The following ZRANB2 variants were observed in gnomAD, a reference collection of about 807,000 sequenced individuals.
The protein encoded by ZRANB2 is zinc finger RANBP2-type containing 2, also known as zinc finger Ran-binding domain-containing protein 2.
A neutral mutation model predicts 53.4 loss-of-function variants in ZRANB2; 19 were observed. The ratio of observed to expected loss-of-function variants is 0.36; its 90% CI spans 0.25 to 0.52. The LOEUF is 0.52. Ranked by LOEUF, ZRANB2 falls within the 20% of genes least tolerant of loss-of-function variation. The pLI, the probability that ZRANB2 is intolerant of heterozygous loss-of-function variation, is 0.93. For synonymous variants in ZRANB2, 145 were observed against 134.8 expected (o/e 1.08, Z -0.52); for missense variants, 309 against 401.1 (o/e 0.77, Z 1.96).
intron 9 of ZRANB2, 42 bp from the exon 10 acceptor site, chr1:71,065,179 G>C (rs1347690780): frequency 6.8e-6 from 10 of 1,471,710 alleles, no homozygotes; most frequent in Non-Finnish European, 8.5e-6. Flanking sequence ...TAGTAAGCTA[G>C]AGCTAAATCT....
At chr1:71,074,544 T>C (rs1661665467) in intron 4 of ZRANB2, among the ~76,000 whole-genome samples, 1 of 152,086 alleles carries the variant, frequency 6.6e-6, no homozygotes, top group Non-Finnish European at 1.5e-5. Context: ...ACTCTGTGAT[T>C]CTACACCCTG....
At chr1:71,070,172 G>A (rs963674944) in intron 7 of ZRANB2, among the ~76,000 whole-genome samples, 5 of 151,980 alleles carry the variant, frequency 3.3e-5, no homozygotes, top group Non-Finnish European at 7.4e-5. Flanking sequence ...TGTGATTAAG[G>A]TTTTTCAAGA....
At position 71,081,004 on chromosome 1, in the gene ZRANB2, C is replaced by T; in HGVS notation, c.-9G>A. On this transcript the variant is annotated 5_prime_UTR_variant, in exon 1 of 10. Transcript: ENST00000370920. ...AAATTCTTGGTCGACATCTTGAACG[C>T]CACCAGCACAGCCACCCGCAGCTAT... The T allele has an allele frequency of 6.2e-7, 1 of 1,614,154 alleles. No individual in the cohort carries two copies. Among genetic ancestry groups the T allele is most frequent in the Non-Finnish European group, 8.5e-7 (1 of 1,180,032 alleles).
chr1:71,071,090 C>T (rs1470490399), intron 6 of ZRANB2, 94 bp from the exon 7 acceptor site: 25 of 1,014,030 alleles, frequency 2.5e-5, no homozygotes, highest in Admixed American at 3.4e-5. Context: ...CCTCCATATG[C>T]ATATATCACA....
intron 8 of ZRANB2, chr1:71,067,525 T>C (rs1250304824): frequency 3.0e-6 from 1 of 329,794 alleles, no homozygotes; most frequent in Non-Finnish European, 6.1e-6. Context: ...CCACTACTTA[T>C]GAAATATGAA....
rs1661767523 is a variant in ZRANB2, at chr1:71,078,768, C to T, written c.57-60G>A. The T allele has an allele frequency of 3.0e-6, 4 of 1,351,584 alleles. No individual in the cohort carries two copies. In the East Asian group the frequency reaches 7.2e-5, roughly 24 times the overall value. The allele number at this position is 1,351,584 out of a possible 1,614,324, so 83.7% of individuals were successfully genotyped here. On this transcript the variant is annotated intron_variant, in intron 1 of 9. Transcript: ENST00000370920. ...AAATTTGTAAAATTTTACATTTTAA[C>T]TTGTCCTCACTACATATCTGGAATT... is the stretch of plus-strand genomic sequence containing the variant.
Position 71,064,510 on chromosome 1 carries a change from T to G in ZRANB2, c.*564A>C, listed in dbSNP as rs537321616. The G allele has an allele frequency of 1.6e-4, 25 of 152,568 alleles. No individual in the cohort carries two copies. Among genetic ancestry groups the G allele is most frequent in the African/African-American group, 6.0e-4 (25 of 41,556 alleles). 9.5% of individuals were successfully genotyped at this position (152,568 alleles called of 1,614,324 possible). Reference sequence around the variant, plus strand: ...TTGCATTAAATGTGGAGCAAAAAAGTAAAGCTGGATAAAAGAGACACAATG... The same window carrying G: ...TTGCATTAAATGTGGAGCAAAAAAGGAAAGCTGGATAAAAGAGACACAATG... On this transcript the variant is annotated 3_prime_UTR_variant, in exon 10 of 10. Coordinates refer to ENST00000370920, the MANE Select transcript of ZRANB2 (RefSeq NM_203350.3).
intron 4 of ZRANB2, among the ~76,000 whole-genome samples, chr1:71,074,393 A>G (rs1163617696): frequency 1.3e-5 from 2 of 152,202 alleles, no homozygotes; most frequent in Middle Eastern, 3.2e-3. Flanking sequence ...TAATGTAAAA[A>G]GCTGAGCAAG....
At position 71,075,421 on chromosome 1, in the gene ZRANB2, A is replaced by C. The variant is rs1262833555; in HGVS notation, c.301+1374T>G. Among the ~76,000 whole-genome samples the C allele has an allele frequency of 2.0e-5, 3 of 152,154 alleles. No individual in the cohort carries two copies. In the East Asian group the frequency reaches 5.8e-4, roughly 29 times the overall value. On this transcript the variant is annotated intron_variant, in intron 4 of 9. Coordinates refer to ENST00000370920, the MANE Select transcript of ZRANB2 (RefSeq NM_203350.3). Reference sequence around the variant, plus strand: ...GTCCCAGGGGTAAAATCACAAATTCAGTTTGAATATAATGAGTTTGACATT... The same window carrying C: ...GTCCCAGGGGTAAAATCACAAATTCCGTTTGAATATAATGAGTTTGACATT...
At chr1:71,080,451 A>AG (rs1275313683) in intron 1 of ZRANB2, among the ~76,000 whole-genome samples, 2 of 152,136 alleles carry the variant, frequency 1.3e-5, no homozygotes, top group African/African-American at 4.8e-5. Flanking sequence ...CTTCCGGAAA[A>AG]GGGGAAAATA....
intron 1 of ZRANB2, 77 bp from the exon 2 acceptor site, chr1:71,078,785 T>A: frequency 8.1e-7 from 1 of 1,230,572 alleles, no homozygotes; most frequent in Non-Finnish European, 1.2e-6. Flanking sequence ...TCACTACATA[T>A]CTGGAATTCA....
At position 71,064,221 on chromosome 1, in the gene ZRANB2, G is replaced by A. The variant is rs1244794690; in HGVS notation, c.*853C>T. On this transcript the variant is annotated 3_prime_UTR_variant, in exon 10 of 10. Coordinates refer to ENST00000370920, the MANE Select transcript of ZRANB2 (RefSeq NM_203350.3). ...TGTCTCCATTGGCCTTTCACCAAAA[G>A]AGAAATATACTTTAAAAGCTTACTT... 3 of 152,240 alleles carry A rather than the reference G, an allele frequency of 2.0e-5. No individual in the cohort carries two copies. The highest frequency in any genetic ancestry group is 2.1e-4 in the South Asian group (1 of 4,818). 9.4% of individuals were successfully genotyped at this position (152,240 alleles called of 1,614,324 possible).
intron 6 of ZRANB2, 110 bp from the exon 7 acceptor site, chr1:71,071,106 C>T (rs936828740): frequency 4.0e-5 from 35 of 869,994 alleles, no homozygotes; most frequent in Non-Finnish European, 5.4e-5. Flanking sequence ...TCACAGGTAT[C>T]TCAGCAAATT....
Position 71,066,883 on chromosome 1 carries a change from A to G in ZRANB2, c.822T>C (p.Tyr274=). 6.2e-7 allele frequency: 1 copy of G among 1,607,054 alleles called. No homozygotes were observed. Residue 274 remains tyrosine, a synonymous_variant, in exon 9 of 10, where the codon TAT becomes TAC. Transcript: ENST00000370920. ...TCTCAGGAGAAGATGATGAACTTGA[A>G]TAAGATCTTTTTCGTGGGGAAGAAG... ...RGSSSPRKRS[Y]SSSSSSPERN...
At chr1:71,068,820 C>G (rs868528366) in intron 8 of ZRANB2, among the ~76,000 whole-genome samples, 2 of 149,076 alleles carry the variant, frequency 1.3e-5, no homozygotes, top group Middle Eastern at 3.4e-3. Context: ...TTGAGACACT[C>G]CTCTGTCACC....
Position 71,063,773 on chromosome 1 carries a change from CAT to C in ZRANB2, c.*1299_*1300del, listed in dbSNP as rs1437854628. ...AAAAACATTCACTTTAAAGTAAAAACATATATTTTTGTTTGGTTTGTCTATGA... is the reference window on the plus strand; with the variant it reads ...AAAAACATTCACTTTAAAGTAAAAACATATTTTTGTTTGGTTTGTCTATGA... On this transcript the variant is annotated 3_prime_UTR_variant, in exon 10 of 10. Transcript: ENST00000370920. 3.3e-5 allele frequency: 5 copies of C among 152,334 alleles called. No homozygotes were observed. The highest frequency in any genetic ancestry group is 3.4e-3 in the Middle Eastern group (1 of 292). 9.4% of individuals were successfully genotyped at this position (152,334 alleles called of 1,614,324 possible).
intron 4 of ZRANB2, among the ~76,000 whole-genome samples, chr1:71,074,534 ACT>A (rs900167682): frequency 8.6e-5 from 13 of 152,036 alleles, no homozygotes; most frequent in African/African-American, 2.9e-4. Flanking sequence ...TAACAGGAAA[ACT>A]CTGTGATTCT....
At position 71,064,529 on chromosome 1, in the gene ZRANB2, C is replaced by T. The variant is rs557260772; in HGVS notation, c.*545G>A. On this transcript the variant is annotated 3_prime_UTR_variant, in exon 10 of 10. Coordinates refer to ENST00000370920, the MANE Select transcript of ZRANB2 (RefSeq NM_203350.3). Reference sequence around the variant, plus strand: ...AAAAAGTAAAGCTGGATAAAAGAGACACAATGATTCTAAGGCACCCTTAGC... The same window carrying T: ...AAAAAGTAAAGCTGGATAAAAGAGATACAATGATTCTAAGGCACCCTTAGC... 1 of 152,444 alleles carries T rather than the reference C, an allele frequency of 6.6e-6. No homozygotes were observed. Among genetic ancestry groups the T allele is most frequent in the Non-Finnish European group, 1.5e-5 (1 of 67,924 alleles). 9.4% of individuals were successfully genotyped at this position (152,444 alleles called of 1,614,324 possible).
Position 71,066,901 on chromosome 1 carries a change from G to A in ZRANB2, c.804C>T (p.Ser268=). The A allele has an allele frequency of 6.3e-7, 1 of 1,598,630 alleles. No homozygotes were observed. Among genetic ancestry groups the A allele is most frequent in the South Asian group, 1.2e-5 (1 of 86,638 alleles). ...AACTTGAATAAGATCTTTTTCGTGG[G>A]GAAGAAGAGCCCCTGTGGGACCTGG... The part of the protein sequence containing the change: ...SSSRSHRGSS[S]PRKRSYSSSS... The change falls in exon 9 of 10, where the codon TCC becomes TCT. Residue 268 remains serine, a synonymous_variant. Transcript: ENST00000370920.
Sources: gnomAD v4.1 joint callset for allele counts (sites outside exome capture counted in the v4.1 genomes callset) on GRCh38, gnomAD v4.1.1 for gene constraint, MANE v1.5 for transcripts, NCBI Gene and HGNC (gene_info 2026-07-23, HGNC 2026-07-21) for gene names.